LYST: variants seen among roughly 807,000 people sequenced by gnomAD.
The protein encoded by LYST is lysosomal-trafficking regulator.
Under a neutral mutation model 413.6 loss-of-function variants are expected in LYST, and 192 were observed. That is an observed-to-expected ratio of 0.46 (90% CI 0.41 to 0.52). The LOEUF (loss-of-function observed/expected upper bound fraction) is 0.52. Among genes scored for constraint, LYST ranks in the 20% least tolerant of loss-of-function variants. The probability of loss-of-function intolerance (pLI) is 0.00; values close to 1 mark genes in which losing one functional copy is unlikely to be tolerated. For synonymous variants in LYST, 1,525 were observed against 1,567.3 expected (o/e 0.97, Z 0.64); for missense variants, 3,815 against 4,499.9 (o/e 0.85, Z 4.35).
chr1:235,666,949 C>T (rs1048947711), intron 50 of LYST, among the ~76,000 whole-genome samples: 1 of 152,108 alleles, frequency 6.6e-6, no homozygotes, highest in African/African-American at 2.4e-5. Flanking sequence ...CTTAATCCTT[C>T]AAAATAAAAA....
chr1:235,759,794 C>T (rs1667401118), intron 22 of LYST, among the ~76,000 whole-genome samples, 195 bp from the exon 23 acceptor site: 1 of 152,046 alleles, frequency 6.6e-6, no homozygotes, highest in Non-Finnish European at 1.5e-5. Context: ...TGCTCTCTTA[C>T]CTACTGAAGT....
chr1:235,787,328 T>C lies in LYST; in HGVS notation c.4734A>G (p.Ala1578=). ...AAATATTCTCCTGTGATTCAACCTG[T>C]GCTAGTAAAACAGCTTTCATGTCAT... is the stretch of plus-strand genomic sequence containing the variant. ...SNDDMKAVLL[A]QVESQENIFL... is the part of the protein sequence containing the mutation. Residue 1578 remains alanine, a synonymous_variant, in exon 14 of 53, where the codon GCA becomes GCG. Transcript: ENST00000389793. 6.2e-7 allele frequency: 1 copy of C among 1,613,840 alleles called. No homozygotes were observed. The highest frequency in any genetic ancestry group is 1.1e-5 in the South Asian group (1 of 91,078).
At position 235,664,756 on chromosome 1, in the gene LYST, G is replaced by C. The variant is rs990891962; in HGVS notation, c.11039-135C>G. On this transcript the variant is annotated intron_variant, in intron 50 of 52. Transcript: ENST00000389793. This position sits in a 1 kb window ranked among gnomAD's most constrained non-coding sequence, Gnocchi z 4.5. ...AGTTTGTAGACAACCCATGACTGAA[G>C]ACTGTATAAATGAAATTACTACACA... is the stretch of plus-strand genomic sequence containing the variant. 8.6e-5 allele frequency: 65 copies of C among 752,888 alleles called. 2 individuals are homozygous for C. The highest frequency in any genetic ancestry group is 8.5e-4 in the South Asian group (58 of 68,294). 46.6% of individuals were successfully genotyped at this position (752,888 alleles called of 1,614,324 possible). A position where few individuals can be genotyped will look rare whatever the true frequency, so the allele number is the denominator to read the frequency against.
intron 22 of LYST, among the ~76,000 whole-genome samples, chr1:235,761,673 T>C (rs1290661381): frequency 1.3e-5 from 2 of 151,936 alleles, no homozygotes; most frequent in Non-Finnish European, 1.5e-5. Context: ...GAAACTGAGA[T>C]ACTTTCCAAC....
In LYST at chr1:235,835,992, G is replaced by A. The variant is rs146423463; in HGVS notation, c.-97-2325C>T. The stretch of plus-strand genomic sequence containing the variant: ...AAGAAAACTTGCCCCAACGATATTC[G>A]TAGAATTTTTATATCCTTAGCATTT... On this transcript the variant is annotated intron_variant, in intron 1 of 52. Coordinates refer to ENST00000389793, the MANE Select transcript of LYST (RefSeq NM_000081.4). 1.1e-3 allele frequency among the ~76,000 whole-genome samples: 170 copies of A among 152,214 alleles called. 1 individual carries two copies. Among genetic ancestry groups the A allele is most frequent in the Middle Eastern group, 6.8e-3 (2 of 294 alleles).
At chr1:235,859,118 G>A (rs988728429) in intron 1 of LYST, among the ~76,000 whole-genome samples, 1 of 152,076 alleles carries the variant, frequency 6.6e-6, no homozygotes, top group African/African-American at 2.4e-5. Context: ...TGTCATCCTG[G>A]ATACTAACTT....
chr1:235,828,983 C>A (rs1558309681), intron 3 of LYST: 1 of 208,726 alleles, frequency 4.8e-6, no homozygotes, highest in Non-Finnish European at 8.3e-6. Context: ...CGGGGGTAGA[C>A]TGCTTGAGGT....
At chr1:235,666,209 A>C (rs1658434702) in intron 50 of LYST, among the ~76,000 whole-genome samples, 1 of 146,992 alleles carries the variant, frequency 6.8e-6, no homozygotes, top group Non-Finnish European at 1.5e-5. Flanking sequence ...TGCATAAACA[A>C]AATGCAGTAT....
chr1:235,713,193 T>C, intron 42 of LYST: 1 of 985,102 alleles, frequency 1.0e-6, no homozygotes, highest in Non-Finnish European at 1.2e-6. Context: ...AGAAATAAGG[T>C]TTAGAAACAT....
intron 1 of LYST, among the ~76,000 whole-genome samples, chr1:235,879,731 T>C (rs4660120): frequency 0.92 from 139,855 of 151,728 alleles, 64,581 homozygotes; most frequent in East Asian, 1. Context: ...TAACTTCCTT[T>C]CTTTCTTTCT....
chr1:235,768,783 C>T (rs9804173), intron 20 of LYST, among the ~76,000 whole-genome samples: 6,072 of 151,978 alleles, frequency 0.04, 416 homozygotes, highest in African/African-American at 0.14. Context: ...TCAAAATGGA[C>T]ATGCGAAGGA....
intron 23 of LYST, 66 bp downstream of exon 23, chr1:235,758,906 G>A: frequency 1.4e-6 from 2 of 1,466,808 alleles, no homozygotes; most frequent in Non-Finnish European, 1.9e-6. Context: ...CGTTTCCAGA[G>A]GGGTAGAGAG....
rs974598519 is a variant in LYST, at chr1:235,851,417, G to A, written c.-98+15426C>T. Among the ~76,000 whole-genome samples the A allele has an allele frequency of 7.9e-4, 117 of 148,986 alleles. 1 individual carries two copies. Among genetic ancestry groups the A allele is most frequent in the African/African-American group, 2.8e-3 (113 of 40,532 alleles). On this transcript the variant is annotated intron_variant, in intron 1 of 52. Transcript: ENST00000389793. ...GGACTTGGGGGGAAGAGTGGGAGGG[G>A]GGCGAGGGATTAAAAGACTACAAAT...
chr1:235,729,702 A>G (rs1278158853), intron 36 of LYST, 45 bp from the exon 37 acceptor site: 2 of 1,309,582 alleles, frequency 1.5e-6, no homozygotes, highest in Non-Finnish European at 2.2e-6. Flanking sequence ...TGTTCTGACC[A>G]ATTTCAGAGA....
intron 1 of LYST, among the ~76,000 whole-genome samples, chr1:235,850,763 CAT>C (rs1163609816): frequency 6.6e-6 from 1 of 152,110 alleles, no homozygotes; most frequent in Non-Finnish European, 1.5e-5. Context: ...GGCCAACAAA[CAT>C]ATGAAAAAAT....
chr1:235,788,582 T>C, intron 13 of LYST, 119 bp downstream of exon 13: 1 of 902,210 alleles, frequency 1.1e-6, no homozygotes, highest in Non-Finnish European at 1.8e-6. Context: ...TATATATTTT[T>C]AAATGAGACT....
chr1:235,800,608 A>AT (rs1240901919), intron 9 of LYST, among the ~76,000 whole-genome samples: 2 of 152,218 alleles, frequency 1.3e-5, no homozygotes, highest in Non-Finnish European at 2.9e-5. Context: ...AATTAAATGC[A>AT]TTTTTAAAAA....
At chr1:235,828,749 G>T in intron 3 of LYST, 1 of 911,322 alleles carries the variant, frequency 1.1e-6, no homozygotes, top group Non-Finnish European at 1.3e-6. Flanking sequence ...AACAGAGCAT[G>T]GTGTACATAT....
At chr1:235,831,670 C>T (rs1350773942) in intron 2 of LYST, among the ~76,000 whole-genome samples, 1 of 152,118 alleles carries the variant, frequency 6.6e-6, no homozygotes, top group Non-Finnish European at 1.5e-5. Flanking sequence ...CAGTAACTCT[C>T]TTTTAGTATA....
Sources: allele counts gnomAD v4.1 joint callset (sites outside exome capture counted in the v4.1 genomes callset), GRCh38; gene constraint gnomAD v4.1.1; non-coding constraint Gnocchi (gnomAD v3.1); transcripts MANE v1.5; gene names NCBI Gene and HGNC (gene_info 2026-07-23, HGNC 2026-07-21).